VPS39: variants seen among roughly 807,000 people sequenced by gnomAD.
The protein encoded by VPS39 is VPS39 subunit of HOPS complex.
A neutral mutation model predicts 121.0 loss-of-function variants in VPS39; 70 were observed. The ratio of observed to expected loss-of-function variants is 0.58; its 90% CI spans 0.48 to 0.71. The LOEUF is 0.71. VPS39 is among the 30% of genes least tolerant of loss of function. VPS39 has a pLI of 0.00. For synonymous variants in VPS39, 378 were observed against 398.1 expected, an observed-to-expected ratio of 0.95 and a Z score of 0.60; for missense variants, 818 against 1,051.5, an observed-to-expected ratio of 0.78 and a Z score of 3.07.
chr15:42,172,606 A>G (rs1469266276), intron 11 of VPS39, among the ~76,000 whole-genome samples: 1 of 152,210 alleles, frequency 6.6e-6, no homozygotes, highest in Admixed American at 6.5e-5. Context: ...GGATGCAACA[A>G]CAGGGGAAGT....
intron 6 of VPS39, 94 bp downstream of exon 6, chr15:42,187,664 C>A: frequency 1.8e-6 from 2 of 1,103,970 alleles, no homozygotes; most frequent in Admixed American, 3.4e-5. Context: ...TATTCATTTG[C>A]GTAGAATGAC....
chr15:42,181,294 G>T (rs2049575637), intron 8 of VPS39, among the ~76,000 whole-genome samples: 1 of 152,136 alleles, frequency 6.6e-6, no homozygotes, highest in South Asian at 2.1e-4. Flanking sequence ...ATTAAACAAG[G>T]CAGTCACAGA....
chr15:42,189,115 TGGA>T lies in VPS39; in HGVS notation c.338_340del (p.Leu113del). The T allele has an allele frequency of 6.2e-7, 1 of 1,613,140 alleles. No homozygotes were observed. The highest frequency in any genetic ancestry group is 8.5e-7 in the Non-Finnish European group (1 of 1,179,104). ...AAATTTCATCTTGGGTAAACTTACC[TGGA>T]GGTCACAAGTAAACAGTGATGCTCC... On this transcript the variant is annotated inframe_deletion and splice_region_variant, in exon 5 of 25. Coordinates refer to ENST00000318006, the MANE Select transcript of VPS39 (RefSeq NM_015289.5).
At chr15:42,174,931 G>A (rs568604103) in intron 10 of VPS39, among the ~76,000 whole-genome samples, 3 of 150,550 alleles carry the variant, frequency 2.0e-5, no homozygotes, top group South Asian at 4.2e-4. Context: ...CCAAGATCAC[G>A]CCACTGTACT....
chr15:42,160,589 C>G lies in VPS39; in HGVS notation c.*165G>C. ...CCATTAAAAAGCTGGCAATGCCAGA[C>G]CATGAGTCTAATTAATTCAGAGTTG... is the stretch of plus-strand genomic sequence containing the variant. On this transcript the variant is annotated 3_prime_UTR_variant, in exon 25 of 25. Coordinates refer to ENST00000318006, the MANE Select transcript of VPS39 (RefSeq NM_015289.5). 1 of 656,582 alleles carries G rather than the reference C, an allele frequency of 1.5e-6. No individual in the cohort carries two copies. The highest frequency in any genetic ancestry group is 2.7e-6 in the Non-Finnish European group (1 of 365,030). The allele number at this position is 656,582 out of a possible 1,614,324, so 40.7% of individuals were successfully genotyped here.
In VPS39 at chr15:42,184,611, A is replaced by G. The variant is rs142798042; in HGVS notation, c.624T>C (p.Ala208=). The change falls in exon 8 of 25, where the codon GCT becomes GCC. Residue 208 remains alanine, a synonymous_variant. Coordinates refer to ENST00000318006, the MANE Select transcript of VPS39 (RefSeq NM_015289.5). Reference sequence around the variant, plus strand: ...CCACGGTGAGATCATCCTGGCCCACAGCCACTTTTCCATCTGCCAGAGGTG... The same window carrying G: ...CCACGGTGAGATCATCCTGGCCCACGGCCACTTTTCCATCTGCCAGAGGTG... The part of the protein sequence containing the change: ...LVAPLADGKV[A]VGQDDLTVVL... 3 of 1,614,068 alleles carry G rather than the reference A, an allele frequency of 1.9e-6. No individual in the cohort carries two copies. Among genetic ancestry groups the G allele is most frequent in the East Asian group, 2.2e-5 (1 of 44,886 alleles).
chr15:42,162,519 C>T (rs371086404), intron 21 of VPS39, 38 bp from the exon 22 acceptor site: 366 of 1,558,926 alleles, frequency 2.3e-4, no homozygotes, highest in Non-Finnish European at 3.1e-4. Flanking sequence ...AGGCTGGCAG[C>T]AACCCTCCCA....
chr15:42,203,649 A>C (rs577952487), intron 1 of VPS39, among the ~76,000 whole-genome samples: 1 of 152,310 alleles, frequency 6.6e-6, no homozygotes, highest in African/African-American at 2.4e-5. Context: ...CTCCAAAAAA[A>C]AAATTAATTA....
intron 5 of VPS39, 41 bp from the exon 6 acceptor site, chr15:42,187,897 C>G: frequency 1.3e-6 from 2 of 1,559,236 alleles, no homozygotes; most frequent in African/African-American, 2.7e-5. Context: ...TACAATGACT[C>G]TCTCTAACTG....
In VPS39 at chr15:42,163,518, AT is replaced by A. The variant is rs527742492; in HGVS notation, c.2129+107del. 4.4e-4 allele frequency: 674 copies of A among 1,534,044 alleles called. 1 individual carries two copies. In the African/African-American group the frequency reaches 8.0e-3, roughly 18 times the overall value. ...AAAACTGCGGGCCAGGACGGAGGCG[AT>A]TCTTGCTCCCGCAGTGGAGTATGGG... On this transcript the variant is annotated intron_variant, in intron 20 of 24. Transcript: ENST00000318006.
intron 10 of VPS39, among the ~76,000 whole-genome samples, chr15:42,177,140 G>C (rs1337676349): frequency 6.9e-6 from 1 of 144,350 alleles, no homozygotes; most frequent in Non-Finnish European, 1.5e-5. Context: ...TCCAGTCTGG[G>C]TGACAGAGTG....
chr15:42,185,724 G>A (rs899053519), intron 7 of VPS39, among the ~76,000 whole-genome samples: 31 of 152,268 alleles, frequency 2.0e-4, no homozygotes, highest in African/African-American at 7.0e-4. Flanking sequence ...GTTACCAGAG[G>A]TCTAGGAACA....
intron 11 of VPS39, 77 bp from the exon 12 acceptor site, chr15:42,169,943 A>G (rs2049315437): frequency 7.1e-7 from 1 of 1,418,138 alleles, no homozygotes; most frequent in Admixed American, 2.3e-5. Flanking sequence ...GACTATTACT[A>G]TAGCAAAATA....
Position 42,187,757 on chromosome 15 carries a change from C to A in VPS39, c.441+1G>T, listed in dbSNP as rs1194991957. The A allele has an allele frequency of 6.2e-7, 1 of 1,614,114 alleles. No individual in the cohort carries two copies. Among genetic ancestry groups the A allele is most frequent in the Admixed American group, 1.7e-5 (1 of 60,024 alleles). ...CATGGACCAAGGAACAGTGGACTTA[C>A]CTGCAATTCATGAAATTCCCTGTCC... On this transcript the variant is annotated splice_donor_variant, in intron 6 of 24. Coordinates refer to ENST00000318006, the MANE Select transcript of VPS39 (RefSeq NM_015289.5). LOFTEE classifies it high-confidence loss of function.
intron 19 of VPS39, 34 bp from the exon 20 acceptor site, chr15:42,163,762 G>A (rs376237830): frequency 5.1e-5 from 77 of 1,516,064 alleles, no homozygotes; most frequent in Middle Eastern, 1.7e-4. Flanking sequence ...AACCACTGCC[G>A]CCATCACGCA....
rs140685026 is a variant in VPS39, at chr15:42,186,484, T to C, written c.534+787A>G. ...AATGAAGAGCTCACCCAGTGGAAGG[T>C]AGAGAGAGAGGCTTCTAGAATTGCC... On this transcript the variant is annotated intron_variant, in intron 7 of 24. Transcript: ENST00000318006. Among the ~76,000 whole-genome samples the C allele has an allele frequency of 1.1e-3, 163 of 152,070 alleles. 1 individual carries two copies. The highest frequency in any genetic ancestry group is 3.7e-3 in the African/African-American group (155 of 41,482).
Position 42,208,159 on chromosome 15 carries a change from C to G in VPS39, c.-6G>C. 6.4e-7 allele frequency: 1 copy of G among 1,567,414 alleles called. No homozygotes were observed. ...GGCTCGAAAGCGTCGTGCATGGCGG[C>G]AAGGGGAGAGTTGCCACCGCCGTCT... On this transcript the variant is annotated 5_prime_UTR_variant, in exon 1 of 25. Coordinates refer to ENST00000318006, the MANE Select transcript of VPS39 (RefSeq NM_015289.5).
intron 4 of VPS39, 67 bp from the exon 5 acceptor site, chr15:42,189,275 C>G: frequency 1.6e-6 from 2 of 1,273,852 alleles, no homozygotes; most frequent in Non-Finnish European, 2.3e-6. Flanking sequence ...ACTATCGAGG[C>G]AAAAAAAGTA....
At chr15:42,191,606 A>G (rs781759317) in intron 2 of VPS39, 46 bp from the exon 3 acceptor site, 1 of 1,553,204 alleles carries the variant, frequency 6.4e-7, no homozygotes, top group Non-Finnish European at 8.9e-7. Context: ...ACAGGGATAC[A>G]TAGAAAAACC....
Sources: gnomAD v4.1 joint callset for allele counts (sites outside exome capture counted in the v4.1 genomes callset) on GRCh38, gnomAD v4.1.1 for gene constraint, MANE v1.5 for transcripts, NCBI Gene and HGNC (gene_info 2026-07-23, HGNC 2026-07-21) for gene names.